The following KIFBP variants were observed in gnomAD, a reference collection of about 807,000 sequenced individuals.
KIFBP encodes the protein kinesin family binding protein, also known as KIF-binding protein.
A neutral mutation model predicts 58.9 loss-of-function variants in KIFBP; 46 were observed. The ratio of observed to expected loss-of-function variants is 0.78; its 90% CI spans 0.62 to 1.00. The LOEUF (loss-of-function observed/expected upper bound fraction) is 1.00, where lower values mean the gene tolerates loss of function less well. Ranked by LOEUF, KIFBP falls within the 50% of genes least tolerant of loss-of-function variation. The pLI is 0.00. For synonymous variants in KIFBP, 241 were observed against 283.4 expected, an observed-to-expected ratio of 0.85 and a Z score of 1.50; for missense variants, 651 against 752.9, an observed-to-expected ratio of 0.86 and a Z score of 1.58.
chr10:69,004,859 C>A (rs757787247), intron 2 of KIFBP, among the ~76,000 whole-genome samples, 187 bp from the exon 3 acceptor site: 4 of 152,038 alleles, frequency 2.6e-5, no homozygotes, highest in African/African-American at 4.8e-5. Flanking sequence ...GTGACAGAGA[C>A]CCTGTCTCAA....
chr10:69,005,052 A>G lies in KIFBP; in HGVS notation c.532A>G (p.Ser178Gly). 1 of 1,612,480 alleles carries G rather than the reference A, an allele frequency of 6.2e-7. No homozygotes were observed. The highest frequency in any genetic ancestry group is 8.5e-7 in the Non-Finnish European group (1 of 1,178,506). Residue 178 changes from serine (S) to glycine (G), a missense_variant, in exon 3 of 7, where the codon AGT becomes GGT. Physicochemically the swap from Ser to Gly is moderately conservative, Grantham distance 56. Transcript: ENST00000361983. ...LYNQYMKEVG[S>G]PPLDPTERFL... ...TTGTTTTTCTTAATTGTAGGTTGGG[A>G]GTCCTCCTCTTGATCCTACTGAGCG...
At chr10:69,007,115 A>G (rs1427125267) in intron 4 of KIFBP, among the ~76,000 whole-genome samples, 3 of 152,196 alleles carry the variant, frequency 2.0e-5, no homozygotes, top group Non-Finnish European at 4.4e-5. Flanking sequence ...ACTTTAATTT[A>G]TACTTAAAAC....
chr10:68,992,395 G>A (rs554754919), intron 1 of KIFBP, among the ~76,000 whole-genome samples: 1 of 152,272 alleles, frequency 6.6e-6, no homozygotes, highest in East Asian at 1.9e-4. Context: ...AGGGGATGGG[G>A]ATTTTGGTTG....
Position 69,015,670 on chromosome 10 carries a change from A to G in KIFBP, c.1120A>G (p.Ile374Val), listed in dbSNP as rs761611047. ...TGGAACCGGTGAACTGTGTGATGCC[A>G]TCTCTGCAGTAGAAGAGAAAGTGAG... is the stretch of plus-strand genomic sequence containing the variant. ...QFGTGELCDA[I>V]SAVEEKVSYL... The change falls in exon 7 of 7, where the codon ATC (isoleucine) becomes GTC (valine). Residue 374 changes from isoleucine to valine, a missense_variant. Ile to Val is a conservative substitution (Grantham distance 29). Transcript: ENST00000361983. The G allele has an allele frequency of 1.9e-6, 3 of 1,614,234 alleles. No individual in the cohort carries two copies. Among genetic ancestry groups the G allele is most frequent in the South Asian group, 2.2e-5 (2 of 91,084 alleles).
rs1199287787 is a variant in KIFBP, at chr10:69,015,927, A to G, written c.1377A>G (p.Val459=). ...RRIAMLEPLT[V]DLNPQYYLLV... Reference sequence around the variant, plus strand: ...TAGCCATGCTAGAGCCCCTAACTGTAGACCTGAATCCACAGTATTATCTGT... The same window carrying G: ...TAGCCATGCTAGAGCCCCTAACTGTGGACCTGAATCCACAGTATTATCTGT... Residue 459 remains valine, a synonymous_variant, in exon 7 of 7, where the codon GTA becomes GTG. Coordinates refer to ENST00000361983, the MANE Select transcript of KIFBP (RefSeq NM_015634.4). 1 of 1,614,218 alleles carries G rather than the reference A, an allele frequency of 6.2e-7. No homozygotes were observed. Among genetic ancestry groups the G allele is most frequent in the East Asian group, 2.2e-5 (1 of 44,890 alleles).
At chr10:68,989,819 T>TTTTAA in intron 1 of KIFBP, 1 of 154,404 alleles carries the variant, frequency 6.5e-6, no homozygotes, top group Non-Finnish European at 1.4e-5. Context: ...TGCCTCAGCC[T>TTTTAA]TCATAGTAGC....
At chr10:68,996,730 G>A (rs977472451) in intron 1 of KIFBP, among the ~76,000 whole-genome samples, 2 of 151,732 alleles carry the variant, frequency 1.3e-5, no homozygotes, top group African/African-American at 4.8e-5. Flanking sequence ...GCGCATGTCT[G>A]TAATCCCAGT....
intron 1 of KIFBP, among the ~76,000 whole-genome samples, chr10:68,994,541 G>A (rs1231488099): frequency 6.6e-6 from 1 of 152,038 alleles, no homozygotes; most frequent in Non-Finnish European, 1.5e-5. Context: ...TATTCCTTCT[G>A]ATCCTTGTTA....
At chr10:68,991,268 G>A (rs17471932) in intron 1 of KIFBP, 10,168 of 172,296 alleles carry the variant, frequency 0.059, 361 homozygotes, top group Middle Eastern at 0.12. Flanking sequence ...CAGTACTTTG[G>A]TGGATGACAT....
chr10:69,003,019 G>A (rs182293755), intron 2 of KIFBP, among the ~76,000 whole-genome samples: 4 of 116,670 alleles, frequency 3.4e-5, no homozygotes, highest in Non-Finnish European at 6.6e-5. Context: ...ACCAACATGA[G>A]CAACAAAGCA....
rs756300309 is a variant in KIFBP, at chr10:69,015,628, A to G, written c.1078A>G (p.Lys360Glu). The G allele has an allele frequency of 7.4e-6, 12 of 1,613,732 alleles. No homozygotes were observed. The East Asian group carries it at 2.0e-4, about 27-fold the overall frequency. Residue 360 changes from lysine (K) to glutamate (E), a missense_variant, in exon 7 of 7, where the codon AAA becomes GAA. Physicochemically the swap from Lys to Glu is moderately conservative, Grantham distance 56 (BLOSUM62 1). Coordinates refer to ENST00000361983, the MANE Select transcript of KIFBP (RefSeq NM_015634.4). ...ACTAGATGAGGAGGAAAGCATTCGG[A>G]AAAAAGCTGTGCAGTTTGGAACCGG... ...KELDEEESIR[K>E]KAVQFGTGEL...
intron 4 of KIFBP, among the ~76,000 whole-genome samples, chr10:69,008,391 AAT>A (rs1173764355): frequency 0.014 from 975 of 71,556 alleles, 50 homozygotes; most frequent in African/African-American, 0.064. Context: ...AAAAAAAAAA[AAT>A]ATATATATAT....
At chr10:69,011,095 T>C in intron 6 of KIFBP, 80 bp downstream of exon 6, 1 of 907,406 alleles carries the variant, frequency 1.1e-6, no homozygotes, top group Non-Finnish European at 1.8e-6. Context: ...ATTGTGCTCA[T>C]TGGGGTCACA....
intron 1 of KIFBP, chr10:68,999,596 A>T (rs1843442688): frequency 6.6e-6 from 1 of 151,868 alleles, no homozygotes; most frequent in East Asian, 1.9e-4. Flanking sequence ...CGCCGGGAGG[A>T]TCCATTTCCA....
intron 6 of KIFBP, among the ~76,000 whole-genome samples, chr10:69,013,884 G>A (rs957413483): frequency 3.9e-5 from 6 of 152,014 alleles, no homozygotes. Context: ...CAAGTAACTG[G>A]GACAACAGGT....
At chr10:68,989,965 C>T (rs1843321898) in intron 1 of KIFBP, 1 of 152,236 alleles carries the variant, frequency 6.6e-6, no homozygotes, top group Non-Finnish European at 1.5e-5. Flanking sequence ...TCTCAAAGTG[C>T]TGGGATTACA....
chr10:69,011,002 A>G lies in KIFBP; in HGVS notation c.977A>G (p.Gln326Arg). 2 of 1,612,540 alleles carry G rather than the reference A, an allele frequency of 1.2e-6. No homozygotes were observed. Among genetic ancestry groups the G allele is most frequent in the Non-Finnish European group, 1.7e-6 (2 of 1,178,540 alleles). The change falls in exon 6 of 7, where the codon CAA becomes CGA. Residue 326 changes from glutamine (Q) to arginine (R), a missense_variant. Coordinates refer to ENST00000361983, the MANE Select transcript of KIFBP (RefSeq NM_015634.4). Reference protein sequence around the residue: ...KYCLTLMQNAQLSMQDNIGEL... With the variant: ...KYCLTLMQNARLSMQDNIGEL... ...TGTTTGACTCTCATGCAGAATGCCC[A>G]ACTCTCCATGCAGGTAATGCAGTCA...
rs1391756244 is a variant in KIFBP, at chr10:69,016,330, G to C, written c.1780G>C (p.Glu594Gln). The change falls in exon 7 of 7, where the codon GAA (glutamate) becomes CAA (glutamine). Residue 594 changes from glutamate to glutamine, a missense_variant. Glu to Gln is a conservative substitution (Grantham distance 29). Coordinates refer to ENST00000361983, the MANE Select transcript of KIFBP (RefSeq NM_015634.4). ...EKHPEAAQEIEVELELSKEMV... is the reference protein window; with the variant it reads ...EKHPEAAQEIQVELELSKEMV... ...GCATCCTGAGGCCGCCCAGGAAATA[G>C]AAGTTGAGCTAGAACTTAGTAAAGA... 6.2e-7 allele frequency: 1 copy of C among 1,611,002 alleles called. No individual in the cohort carries two copies. The highest frequency in any genetic ancestry group is 1.7e-5 in the Admixed American group (1 of 58,978).
At chr10:69,010,834 A>G (rs1843582177) in intron 5 of KIFBP, 66 bp from the exon 6 acceptor site, 2 of 1,049,886 alleles carry the variant, frequency 1.9e-6, no homozygotes, top group South Asian at 1.3e-5. Flanking sequence ...TATTAAAAAA[A>G]TTACAGTACC....
Sources: gnomAD v4.1 joint callset for allele counts (sites outside exome capture counted in the v4.1 genomes callset) on GRCh38, gnomAD v4.1.1 for gene constraint, MANE v1.5 for transcripts, NCBI Gene and HGNC (gene_info 2026-07-23, HGNC 2026-07-21) for gene names.